SAE1: variants seen among roughly 807,000 people sequenced by gnomAD.
The protein encoded by SAE1 is SUMO-activating enzyme subunit 1.
Under a neutral mutation model 40.6 loss-of-function variants are expected in SAE1, and 11 were observed. The observed-to-expected ratio is 0.27, with a 90% CI of 0.17 to 0.45. The LOEUF (loss-of-function observed/expected upper bound fraction) is 0.45. Among genes scored for constraint, SAE1 ranks in the 20% least tolerant of loss-of-function variants. The pLI, the probability that SAE1 is intolerant of heterozygous loss-of-function variation, is 1.00. For synonymous variants in SAE1, 155 were observed against 154.3 expected (o/e 1.00, Z -0.03); for missense variants, 373 against 427.3 (o/e 0.87, Z 1.12).
At chr19:47,185,505 C>T (rs974301277) in intron 6 of SAE1, among the ~76,000 whole-genome samples, 13 of 151,998 alleles carry the variant, frequency 8.6e-5, no homozygotes, top group African/African-American at 3.1e-4. Context: ...GAGGTTTCAC[C>T]GTGTTGGCCA....
chr19:47,160,368 C>T (rs2058352256), intron 5 of SAE1, among the ~76,000 whole-genome samples: 1 of 149,032 alleles, frequency 6.7e-6, no homozygotes, highest in Non-Finnish European at 1.5e-5. Flanking sequence ...ACTACAGGTG[C>T]GCGCCACCAC....
intron 6 of SAE1, among the ~76,000 whole-genome samples, chr19:47,189,017 G>A (rs967739160): frequency 6.6e-6 from 1 of 152,178 alleles, no homozygotes; most frequent in Non-Finnish European, 1.5e-5. Context: ...CTGAAATGCT[G>A]TGAGAGGGTA....
chr19:47,173,819 C>T (rs2058450393), intron 6 of SAE1, among the ~76,000 whole-genome samples: 1 of 148,664 alleles, frequency 6.7e-6, no homozygotes, highest in Non-Finnish European at 1.5e-5. Flanking sequence ...GAGTCTCTCT[C>T]TGTCACCCAG....
rs75573168 is a variant in SAE1 at position 47,162,100 on chromosome 19, A to G, written c.627+6887A>G. Among the ~76,000 whole-genome samples the G allele has an allele frequency of 2.3e-4, 35 of 152,370 alleles. No homozygotes were observed. The East Asian group carries it at 6.7e-3, about 29-fold the overall frequency. On this transcript the variant is annotated intron_variant, in intron 5 of 8. Coordinates refer to ENST00000270225, the MANE Select transcript of SAE1 (RefSeq NM_005500.3). ...ATCTGTATTGCATAGCACAGATTAC[A>G]TTCTGTTCCATCATCACAGCTAGTT...
intron 6 of SAE1, among the ~76,000 whole-genome samples, chr19:47,170,491 ACCG>A (rs2058423885): frequency 8.8e-6 from 1 of 113,994 alleles, no homozygotes; most frequent in South Asian, 2.9e-4. Flanking sequence ...ACTTCTCTTC[ACCG>A]CCCCCCGCCT....
chr19:47,203,675 T>C lies in SAE1; in HGVS notation c.883T>C (p.Cys295Arg). ...DLLPEDFVRYCFSEMAPVCAV... is the reference protein window; with the variant it reads ...DLLPEDFVRYRFSEMAPVCAV... ...CCTTGTCTTCCTCTCTTTTAGGTAC[T>C]GCTTCTCCGAGATGGCCCCAGTGTG... Residue 295 changes from cysteine (C) to arginine (R), a missense_variant, in exon 8 of 9, where the codon TGC (cysteine) becomes CGC (arginine). Physicochemically the swap from Cys to Arg is radical, Grantham distance 180. This residue lies in a region of SAE1 where 351 missense variants were observed against 390.6 expected (regional missense o/e 0.90). Transcript: ENST00000270225. The C allele has an allele frequency of 6.2e-7, 1 of 1,614,060 alleles. No individual in the cohort carries two copies. The highest frequency in any genetic ancestry group is 8.5e-7 in the Non-Finnish European group (1 of 1,179,934).
At chr19:47,133,111 A>C (rs540026705) in intron 1 of SAE1, among the ~76,000 whole-genome samples, 2 of 152,340 alleles carry the variant, frequency 1.3e-5, no homozygotes, top group East Asian at 3.9e-4. Context: ...TGATTGTCAA[A>C]TTAGAGAAAT....
rs367718909 is a variant in SAE1, at chr19:47,169,897, C to T, written c.707C>T (p.Thr236Met). The change falls in exon 6 of 9, where the codon ACG (threonine) becomes ATG (methionine). Residue 236 changes from threonine to methionine, a missense_variant. Around this residue, in one of 3 missense-constraint regions of SAE1, gnomAD observed 351 missense variants for 390.6 expected, o/e 0.90. Coordinates refer to ENST00000270225, the MANE Select transcript of SAE1 (RefSeq NM_005500.3). ...SEKAKAALKR[T>M]TSDYFLLQVL... ...AAAGCAAAGGCTGCTCTGAAGCGCA[C>T]GACCTCCGACTACTTTCTCCTTCAA... 64 of 1,613,612 alleles carry T rather than the reference C, an allele frequency of 4.0e-5. No individual in the cohort carries two copies. The highest frequency in any genetic ancestry group is 1.1e-4 in the South Asian group (10 of 91,088).
intron 6 of SAE1, among the ~76,000 whole-genome samples, chr19:47,171,119 C>T (rs1012396685): frequency 6.7e-5 from 10 of 149,304 alleles, no homozygotes; most frequent in South Asian, 2.1e-4. Context: ...GGACTGCAGG[C>T]GCGTGCCACC....
chr19:47,168,246 C>G (rs1364724910), intron 5 of SAE1, among the ~76,000 whole-genome samples: 1 of 151,996 alleles, frequency 6.6e-6, no homozygotes, highest in Non-Finnish European at 1.5e-5. Flanking sequence ...TGTTTATATG[C>G]GAACCATTTG....
chr19:47,163,171 G>C (rs1020887614), intron 5 of SAE1, among the ~76,000 whole-genome samples: 1 of 151,052 alleles, frequency 6.6e-6, no homozygotes, highest in Admixed American at 6.6e-5. Context: ...TATATAGTTA[G>C]CTCTCCTTAT....
intron 6 of SAE1, among the ~76,000 whole-genome samples, chr19:47,180,541 C>T (rs2058499425): frequency 6.6e-6 from 1 of 151,792 alleles, no homozygotes; most frequent in Admixed American, 6.6e-5. Flanking sequence ...TTATCAGATG[C>T]TTTTATGCTA....
Position 47,210,017 on chromosome 19 carries a change from C to T in SAE1, c.*766C>T, listed in dbSNP as rs976836711. Reference sequence around the variant, plus strand: ...TCAGGGCTAGGAGGGAGGAGCCTGCCCTTTTAACAGAACCCCAGTCACATG... The same window carrying T: ...TCAGGGCTAGGAGGGAGGAGCCTGCTCTTTTAACAGAACCCCAGTCACATG... On this transcript the variant is annotated 3_prime_UTR_variant, in exon 9 of 9. Coordinates refer to ENST00000270225, the MANE Select transcript of SAE1 (RefSeq NM_005500.3). 6.6e-6 allele frequency: 1 copy of T among 152,128 alleles called. No individual in the cohort carries two copies. Among genetic ancestry groups the T allele is most frequent in the Non-Finnish European group, 1.5e-5 (1 of 68,028 alleles). 9.4% of individuals were successfully genotyped at this position (152,128 alleles called of 1,614,324 possible).
At chr19:47,165,186 T>G (rs1600175407) in intron 5 of SAE1, among the ~76,000 whole-genome samples, 1 of 142,894 alleles carries the variant, frequency 7.0e-6, no homozygotes, top group South Asian at 2.3e-4. Context: ...GCCTCCTGGG[T>G]TCAAGCGATT....
At chr19:47,190,136 C>A (rs932162013) in intron 6 of SAE1, among the ~76,000 whole-genome samples, 3 of 152,186 alleles carry the variant, frequency 2.0e-5, no homozygotes, top group African/African-American at 7.2e-5. Flanking sequence ...GTCATCCCCC[C>A]AGACTTCAGC....
intron 6 of SAE1, among the ~76,000 whole-genome samples, chr19:47,190,220 C>G (rs1042005831): frequency 6.6e-6 from 1 of 152,108 alleles, no homozygotes. Flanking sequence ...TGTTTTGATA[C>G]GATTTGATGA....
intron 6 of SAE1, among the ~76,000 whole-genome samples, chr19:47,170,516 T>A (rs1810122349): frequency 2.0e-5 from 3 of 147,400 alleles, no homozygotes; most frequent in Admixed American, 1.4e-4. Context: ...TTTTTTTTTT[T>A]TTTTTTTTGA....
chr19:47,177,167 A>G (rs1405520542), intron 6 of SAE1, among the ~76,000 whole-genome samples: 1 of 152,240 alleles, frequency 6.6e-6, no homozygotes, highest in Non-Finnish European at 1.5e-5. Flanking sequence ...ATTGAAGCTG[A>G]AAATATTCTT....
chr19:47,164,895 G>A (rs552085835), intron 5 of SAE1, among the ~76,000 whole-genome samples: 29 of 151,068 alleles, frequency 1.9e-4, no homozygotes, highest in Non-Finnish European at 3.2e-4. Flanking sequence ...CTCGTGATCC[G>A]CCTGCCTCAG....
Sources: gnomAD v4.1 joint callset for allele counts (sites outside exome capture counted in the v4.1 genomes callset) on GRCh38, gnomAD v4.1.1 for gene constraint, gnomAD v4.1.1 regional missense constraint, MANE v1.5 for transcripts, NCBI Gene and HGNC (gene_info 2026-07-23, HGNC 2026-07-21) for gene names.